WWP1: variants seen among roughly 807,000 people sequenced by gnomAD.
The protein encoded by WWP1 is NEDD4-like E3 ubiquitin-protein ligase WWP1.
Under a neutral mutation model 130.6 loss-of-function variants are expected in WWP1, and 49 were observed. The ratio of observed to expected loss-of-function variants is 0.38; its 90% CI spans 0.30 to 0.48. The LOEUF is 0.48. WWP1 is among the 20% of genes least tolerant of loss of function. The pLI is 0.99. For synonymous variants in WWP1, 332 were observed against 367.8 expected, an observed-to-expected ratio of 0.90 and a Z score of 1.11; for missense variants, 809 against 1,100.6, an observed-to-expected ratio of 0.74 and a Z score of 3.75.
chr8:86,457,140 C>CA (rs1297939737), intron 21 of WWP1, among the ~76,000 whole-genome samples: 1 of 151,642 alleles, frequency 6.6e-6, no homozygotes, highest in East Asian at 1.9e-4. Flanking sequence ...AATTATACCT[C>CA]AAAGTTGACT....
At chr8:86,399,362 A>G (rs775665283) in intron 7 of WWP1, among the ~76,000 whole-genome samples, 19 of 152,214 alleles carry the variant, frequency 1.2e-4, no homozygotes, top group Non-Finnish European at 1.9e-4. Context: ...TTCACAGTTC[A>G]TGACAATTAA....
intron 21 of WWP1, among the ~76,000 whole-genome samples, chr8:86,453,400 A>G (rs1259824068): frequency 6.6e-6 from 1 of 152,262 alleles, no homozygotes; most frequent in Non-Finnish European, 1.5e-5. Context: ...ATACTCCATT[A>G]TAGAGTATTA....
intron 5 of WWP1, among the ~76,000 whole-genome samples, 171 bp from the exon 6 acceptor site, chr8:86,398,171 C>T (rs996985787): frequency 5.9e-5 from 9 of 152,108 alleles, no homozygotes; most frequent in Admixed American, 2.6e-4. Flanking sequence ...ATATTGAAAG[C>T]GTGGGATTGA....
At chr8:86,419,737 A>G (rs1019951589) in intron 9 of WWP1, among the ~76,000 whole-genome samples, 3 of 145,324 alleles carry the variant, frequency 2.1e-5, no homozygotes, top group Non-Finnish European at 3.1e-5. Context: ...AAGACTCACT[A>G]AAAATCCAGG....
rs750936669 is a variant in WWP1 at position 86,431,432 on chromosome 8, G to T, written c.1414G>T (p.Val472Phe). The change falls in exon 13 of 25, where the codon GTT becomes TTT. Residue 472 changes from valine to phenylalanine, a missense_variant. Val to Phe is a conservative substitution (Grantham distance 50). Around this residue, in one of 3 missense-constraint regions of WWP1, gnomAD observed 450 missense variants for 674.2 expected, o/e 0.67. Coordinates refer to ENST00000517970, the MANE Select transcript of WWP1 (RefSeq NM_007013.4). ...WEKRVDSTDR[V>F]YFVNHNTKTT... ...AAAAAGAGTGGATTCAACAGACAGG[G>T]TTTACTTTGTGAATCATAACACAAA... 1.9e-6 allele frequency: 3 copies of T among 1,608,288 alleles called. No individual in the cohort carries two copies. Among genetic ancestry groups the T allele is most frequent in the African/African-American group, 1.3e-5 (1 of 74,582 alleles).
intron 3 of WWP1, among the ~76,000 whole-genome samples, chr8:86,374,968 C>T (rs950488231): frequency 1.3e-5 from 2 of 152,122 alleles, no homozygotes; most frequent in Admixed American, 1.3e-4. Flanking sequence ...TTGCACCACC[C>T]TCCCAAATTG....
At chr8:86,452,710 A>C in intron 21 of WWP1, 31 bp downstream of exon 21, 1 of 1,607,694 alleles carries the variant, frequency 6.2e-7, no homozygotes, top group Non-Finnish European at 8.5e-7. Flanking sequence ...TATTGTAGGG[A>C]ATGTTAGTGG....
At chr8:86,385,301 A>G (rs1825216210) in intron 5 of WWP1, among the ~76,000 whole-genome samples, 3 of 152,136 alleles carry the variant, frequency 2.0e-5, no homozygotes, top group Admixed American at 2.0e-4. Context: ...TGTGTTCCTC[A>G]TCTATTTGCA....
At position 86,344,906 on chromosome 8, in the gene WWP1, C is replaced by A. The variant is rs186791265; in HGVS notation, c.-115+1976C>A. On this transcript the variant is annotated intron_variant, in intron 1 of 24. Coordinates refer to ENST00000517970, the MANE Select transcript of WWP1 (RefSeq NM_007013.4). ...TTTATGGGTTGTTTTTAATGCCAGACTTATGACCTTGGATTTACCCGGTGG... is the reference window on the plus strand; with the variant it reads ...TTTATGGGTTGTTTTTAATGCCAGAATTATGACCTTGGATTTACCCGGTGG... 7.2e-5 allele frequency among the ~76,000 whole-genome samples: 11 copies of A among 152,284 alleles called. No homozygotes were observed. The East Asian group carries it at 2.1e-3, about 29-fold the overall frequency.
intron 17 of WWP1, among the ~76,000 whole-genome samples, chr8:86,439,741 A>G (rs1334772911): frequency 1.3e-5 from 2 of 152,154 alleles, no homozygotes; most frequent in Non-Finnish European, 2.9e-5. Flanking sequence ...TTATTTTTCA[A>G]TTTTGTCCCT....
intron 14 of WWP1, among the ~76,000 whole-genome samples, chr8:86,432,223 C>T (rs1052677647): frequency 4.6e-5 from 7 of 152,138 alleles, no homozygotes; most frequent in East Asian, 3.9e-4. Flanking sequence ...CTTAATTAAG[C>T]GGTTGACAGA....
At chr8:86,367,629 T>G (rs1824044532) in intron 1 of WWP1, among the ~76,000 whole-genome samples, 1 of 152,218 alleles carries the variant, frequency 6.6e-6, no homozygotes, top group African/African-American at 2.4e-5. Context: ...CATAATCAGC[T>G]TAGATATTAC....
intron 8 of WWP1, among the ~76,000 whole-genome samples, chr8:86,411,295 T>C (rs1474359565): frequency 6.6e-6 from 1 of 152,210 alleles, no homozygotes; most frequent in African/African-American, 2.4e-5. Flanking sequence ...AAGGTTGTTA[T>C]TATTATACAT....
At chr8:86,392,312 T>C (rs1351843195) in intron 5 of WWP1, among the ~76,000 whole-genome samples, 1 of 152,212 alleles carries the variant, frequency 6.6e-6, no homozygotes, top group African/African-American at 2.4e-5. Flanking sequence ...AGAAATAGTA[T>C]AGCTAACATA....
At chr8:86,452,726 G>T in intron 21 of WWP1, 47 bp downstream of exon 21, 1 of 1,600,430 alleles carries the variant, frequency 6.2e-7, no homozygotes. Flanking sequence ...AGTGGGGGGA[G>T]GGACTAATTT....
At chr8:86,406,630 G>A (rs1808294970) in intron 8 of WWP1, among the ~76,000 whole-genome samples, 2 of 152,072 alleles carry the variant, frequency 1.3e-5, no homozygotes, top group Admixed American at 1.3e-4. Context: ...CATACAGCTT[G>A]TTCACATTTC....
At position 86,410,341 on chromosome 8, in the gene WWP1, A is replaced by G. The variant is rs182915690; in HGVS notation, c.725-1197A>G. Reference sequence around the variant, plus strand: ...TATTAGAACTTTCATCACCTTTTCCATTGCTGCTCTGATTTGTCTTTTTTT... The same window carrying G: ...TATTAGAACTTTCATCACCTTTTCCGTTGCTGCTCTGATTTGTCTTTTTTT... On this transcript the variant is annotated intron_variant, in intron 8 of 24. Coordinates refer to ENST00000517970, the MANE Select transcript of WWP1 (RefSeq NM_007013.4). Among the ~76,000 whole-genome samples the G allele has an allele frequency of 3.8e-4, 58 of 152,120 alleles. No individual in the cohort carries two copies. The East Asian group carries it at 8.3e-3, about 22-fold the overall frequency.
intron 9 of WWP1, among the ~76,000 whole-genome samples, chr8:86,423,828 C>G (rs28577281): frequency 1.4e-5 from 2 of 145,230 alleles, no homozygotes; most frequent in Admixed American, 1.4e-4. Flanking sequence ...CCCCACCTCC[C>G]GGACGGGGCG....
chr8:86,360,154 A>G (rs28532788), intron 1 of WWP1, among the ~76,000 whole-genome samples: 1 of 151,480 alleles, frequency 6.6e-6, no homozygotes, highest in East Asian at 1.9e-4. Flanking sequence ...AAAAAAAAAC[A>G]AAAAACCAAA....
Sources: gnomAD v4.1 joint callset for allele counts (sites outside exome capture counted in the v4.1 genomes callset) on GRCh38, gnomAD v4.1.1 for gene constraint, gnomAD v4.1.1 regional missense constraint, MANE v1.5 for transcripts, NCBI Gene and HGNC (gene_info 2026-07-23, HGNC 2026-07-21) for gene names.